The following DMBT1 variants were observed in gnomAD, a reference collection of about 807,000 sequenced individuals.
DMBT1 encodes the protein deleted in malignant brain tumors 1, also known as scavenger receptor cysteine-rich domain-containing protein DMBT1.
Under a neutral mutation model 252.9 loss-of-function variants are expected in DMBT1, and 198 were observed. That is an observed-to-expected ratio of 0.78 (90% CI 0.70 to 0.88). DMBT1 has a LOEUF of 0.88. Among genes scored for constraint, DMBT1 ranks in the 40% least tolerant of loss-of-function variants. DMBT1 has a pLI of 0.00. For missense variants in DMBT1, 2,432 were observed against 2,404.7 expected (o/e 1.01, Z -0.24); for synonymous variants, 990 against 942.7 (o/e 1.05, Z -0.92).
intron 44 of DMBT1, among the ~76,000 whole-genome samples, chr10:122,624,041 G>A (rs1298497189): frequency 6.6e-6 from 1 of 152,198 alleles, no homozygotes; most frequent in Non-Finnish European, 1.5e-5. Flanking sequence ...TCAGGAATAA[G>A]CCTCGGGCCT....
rs1353776854 is a variant in DMBT1 at position 122,618,170 on chromosome 10, G to A, written c.5045G>A (p.Gly1682Asp). 6.2e-7 allele frequency: 1 copy of A among 1,613,816 alleles called. No individual in the cohort carries two copies. The highest frequency in any genetic ancestry group is 1.3e-5 in the African/African-American group (1 of 74,924). The change falls in exon 41 of 56, where the codon GGC becomes GAC. Residue 1682 changes from glycine to aspartate, a missense_variant. Around this residue, in one of 3 missense-constraint regions of DMBT1, gnomAD observed 1,162 missense variants for 1,169.0 expected, o/e 0.99. Transcript: ENST00000338354. ...ANVVCRQLGC[G>D]WAMSAPGNAQ... ...GTGGTCTGCAGGCAGCTGGGCTGTG[G>A]CTGGGCCATGTCAGCCCCAGGAAAT... is the stretch of plus-strand genomic sequence containing the variant.
intron 10 of DMBT1, among the ~76,000 whole-genome samples, chr10:122,580,608 T>A (rs913421638): frequency 5.3e-5 from 8 of 151,996 alleles, no homozygotes; most frequent in East Asian, 1.9e-4. Flanking sequence ...TGCAAGGGAG[T>A]GGGTTGGTTT....
At position 122,589,202 on chromosome 10, in the gene DMBT1, G is replaced by T; in HGVS notation, c.2042G>T (p.Cys681Phe). 1.3e-6 allele frequency: 2 copies of T among 1,588,428 alleles called. No individual in the cohort carries two copies. Among genetic ancestry groups the T allele is most frequent in the Non-Finnish European group, 1.7e-6 (2 of 1,165,714 alleles). The change falls in exon 17 of 56, where the codon TGC becomes TTC. Residue 681 changes from cysteine (C) to phenylalanine (F), a missense_variant. Physicochemically the swap from Cys to Phe is radical, Grantham distance 205. Around this residue, in one of 3 missense-constraint regions of DMBT1, gnomAD observed 1,264 missense variants for 1,082.2 expected, o/e 1.17. Transcript: ENST00000338354. ...GGACATGAGTCCTACCTGTGGAGCTGCCCCAACAATGGCTGGCTCTCCCAC... is the reference window on the plus strand; with the variant it reads ...GGACATGAGTCCTACCTGTGGAGCTTCCCCAACAATGGCTGGCTCTCCCAC... The part of the protein sequence containing the change: ...CSGHESYLWS[C>F]PNNGWLSHNC...
Position 122,637,231 on chromosome 10 carries a change from ATAC to A in DMBT1, c.6865_6867del (p.Tyr2289del). On this transcript the variant is annotated inframe_deletion, in exon 54 of 56. Transcript: ENST00000338354. ...ACCTTGTCATTTCCACCTGGAATGGATACTACGAGTGTCGGCCCCAGATAACGC... is the reference window on the plus strand; with the variant it reads ...ACCTTGTCATTTCCACCTGGAATGGATACGAGTGTCGGCCCCAGATAACGC... The A allele has an allele frequency of 1.9e-6, 3 of 1,613,976 alleles. No homozygotes were observed. The highest frequency in any genetic ancestry group is 3.3e-4 in the Middle Eastern group (2 of 6,062).
Position 122,570,167 on chromosome 10 carries a change from C to T in DMBT1, c.97C>T (p.Leu33=). ...CTTCCTTTTCCACCTCGCAGCTTCA[C>T]TGATTCCCTCGGAGGTGCCCTTGGA... ...WIPRTTDYAS[L]IPSEVPLDPT... The change falls in exon 3 of 56, where the codon CTG becomes TTG. Residue 33 remains leucine (L), a synonymous_variant. Transcript: ENST00000338354. 1 of 1,593,398 alleles carries T rather than the reference C, an allele frequency of 6.3e-7. No individual in the cohort carries two copies. The highest frequency in any genetic ancestry group is 8.6e-7 in the Non-Finnish European group (1 of 1,161,232).
At chr10:122,576,334 C>T in intron 6 of DMBT1, 65 bp from the exon 7 acceptor site, 1 of 1,584,114 alleles carries the variant, frequency 6.3e-7, no homozygotes, top group Non-Finnish European at 8.6e-7. Flanking sequence ...CCTGAATGCC[C>T]TGCAGGCCCT....
At chr10:122,577,161 A>G (rs747341930) in intron 7 of DMBT1, among the ~76,000 whole-genome samples, 4 of 152,234 alleles carry the variant, frequency 2.6e-5, no homozygotes, top group African/African-American at 9.6e-5. Flanking sequence ...GAACATCCGC[A>G]TAACTCATAC....
In DMBT1 at chr10:122,640,164, A is replaced by G. The variant is rs558231169; in HGVS notation, c.7067A>G (p.Asp2356Gly). 4 of 1,614,082 alleles carry G rather than the reference A, an allele frequency of 2.5e-6. No individual in the cohort carries two copies. In the African/African-American group the frequency reaches 5.3e-5, roughly 22 times the overall value. The part of the protein sequence containing the change: ...SCRMLQNTWV[D>G]TMYIANDTIH... Reference sequence around the variant, plus strand: ...AGAATGCTTCAGAACACCTGGGTCGACACCATGTACATTGCTAATGACACC... The same window carrying G: ...AGAATGCTTCAGAACACCTGGGTCGGCACCATGTACATTGCTAATGACACC... Residue 2356 changes from aspartate to glycine, a missense_variant, in exon 55 of 56, where the codon GAC becomes GGC. Asp to Gly is a moderately conservative substitution (Grantham distance 94). Around this residue, in one of 3 missense-constraint regions of DMBT1, gnomAD observed 1,162 missense variants for 1,169.0 expected, o/e 0.99. Transcript: ENST00000338354.
At position 122,640,413 on chromosome 10, in the gene DMBT1, A is replaced by G. The variant is rs764514168; in HGVS notation, c.7316A>G (p.Asp2439Gly). 1 of 1,613,826 alleles carries G rather than the reference A, an allele frequency of 6.2e-7. No individual in the cohort carries two copies. Among genetic ancestry groups the G allele is most frequent in the Non-Finnish European group, 8.5e-7 (1 of 1,179,836 alleles). ...TGCGTGGCATCACCATACTCCAATGACTTCACGTCTTTGACTTATGATCTA... is the reference window on the plus strand; with the variant it reads ...TGCGTGGCATCACCATACTCCAATGGCTTCACGTCTTTGACTTATGATCTA... ...DTCVASPYSNDFTSLTYDLIR... is the reference protein window; with the variant it reads ...DTCVASPYSNGFTSLTYDLIR... Residue 2439 changes from aspartate to glycine, a missense_variant, in exon 55 of 56, where the codon GAC (aspartate) becomes GGC (glycine). Coordinates refer to ENST00000338354, the MANE Select transcript of DMBT1 (RefSeq NM_001377530.1).
chr10:122,577,850 C>A lies in DMBT1; in HGVS notation c.637+10C>A. On this transcript the variant is annotated intron_variant, in intron 8 of 55. Transcript: ENST00000338354. ...TCAACACTCAGGCCAGGTGAGTCCCCAGAATCCTTCCTCGGGATACCCCTT... is the reference window on the plus strand; with the variant it reads ...TCAACACTCAGGCCAGGTGAGTCCCAAGAATCCTTCCTCGGGATACCCCTT... 1 of 1,613,590 alleles carries A rather than the reference C, an allele frequency of 6.2e-7. No individual in the cohort carries two copies. The highest frequency in any genetic ancestry group is 8.5e-7 in the Non-Finnish European group (1 of 1,179,668).
At chr10:122,617,972 A>G (rs2098013712) in intron 40 of DMBT1, 45 bp from the exon 41 acceptor site, 1 of 1,607,602 alleles carries the variant, frequency 6.2e-7, no homozygotes. Context: ...TAGATTGTTG[A>G]CCTCCTGGTG....
Position 122,560,756 on chromosome 10 carries a change from GA to G in DMBT1, c.-13del. 6.4e-7 allele frequency: 1 copy of G among 1,560,938 alleles called. No individual in the cohort carries two copies. The highest frequency in any genetic ancestry group is 8.7e-7 in the Non-Finnish European group (1 of 1,150,830). On this transcript the variant is annotated 5_prime_UTR_variant, in exon 1 of 56. Transcript: ENST00000338354. Reference sequence around the variant, plus strand: ...TGTCCAGGATTTTCTATTCAATTGAGAAGAACCCAGCAAAATGGGGATCTCC... The same window carrying G: ...TGTCCAGGATTTTCTATTCAATTGAGAGAACCCAGCAAAATGGGGATCTCC...
chr10:122,635,411 A>G (rs976017030), intron 52 of DMBT1, among the ~76,000 whole-genome samples: 2 of 152,184 alleles, frequency 1.3e-5, no homozygotes, highest in African/African-American at 4.8e-5. Flanking sequence ...TCCTGATGTA[A>G]AGGGCTGACA....
intron 52 of DMBT1, among the ~76,000 whole-genome samples, chr10:122,633,705 G>A (rs2133680663): frequency 6.6e-6 from 1 of 152,348 alleles, no homozygotes; most frequent in Non-Finnish European, 1.5e-5. Context: ...TGTTTACTGG[G>A]AAGGTCACGA....
chr10:122,617,967 T>C (rs768339392), intron 40 of DMBT1, 50 bp from the exon 41 acceptor site: 14 of 1,602,920 alleles, frequency 8.7e-6, no homozygotes, highest in Non-Finnish European at 1.2e-5. Context: ...TGCCTTAGAT[T>C]GTTGACCTCC....
chr10:122,631,660 C>T (rs2098166004), intron 49 of DMBT1, among the ~76,000 whole-genome samples, 195 bp from the exon 50 acceptor site: 1 of 152,022 alleles, frequency 6.6e-6, no homozygotes, highest in Non-Finnish European at 1.5e-5. Context: ...ATCCTGATGA[C>T]CACAAGTATG....
chr10:122,627,314 G>T (rs2098125672), intron 46 of DMBT1, among the ~76,000 whole-genome samples: 1 of 151,976 alleles, frequency 6.6e-6, no homozygotes. Context: ...ATTACTGTTG[G>T]CATTTTGGCA....
intron 25 of DMBT1, 49 bp from the exon 26 acceptor site, chr10:122,598,725 C>T (rs1484913333): frequency 6.2e-7 from 1 of 1,611,768 alleles, no homozygotes; most frequent in Non-Finnish European, 8.5e-7. Context: ...TCCTTAGATT[C>T]CTGACCTCAT....
At chr10:122,630,166 T>C (rs1591545356) in intron 47 of DMBT1, 122 bp from the exon 48 acceptor site, 4 of 1,348,908 alleles carry the variant, frequency 3.0e-6, no homozygotes, top group Non-Finnish European at 4.1e-6. Flanking sequence ...TTTGACTTAA[T>C]TGAGGAAGAG....
Sources: gnomAD v4.1 joint callset for allele counts (sites outside exome capture counted in the v4.1 genomes callset) on GRCh38, gnomAD v4.1.1 for gene constraint, gnomAD v4.1.1 regional missense constraint, MANE v1.5 for transcripts, NCBI Gene and HGNC (gene_info 2026-07-23, HGNC 2026-07-21) for gene names.